TOP1: variants seen among roughly 807,000 people sequenced by gnomAD.
TOP1 encodes the protein DNA topoisomerase I, also known as DNA topoisomerase 1.
A neutral mutation model predicts 111.1 loss-of-function variants in TOP1; 10 were observed. The observed-to-expected ratio is 0.09, with a 90% CI of 0.06 to 0.15. The LOEUF (loss-of-function observed/expected upper bound fraction) is 0.15, where lower values mean the gene tolerates loss of function less well. TOP1 is among the 10% of genes least tolerant of loss of function. The probability of loss-of-function intolerance (pLI) is 1.00; values close to 1 mark genes in which losing one functional copy is unlikely to be tolerated. For missense variants in TOP1, 474 were observed against 926.7 expected, an observed-to-expected ratio of 0.51 and a Z score of 6.34; for synonymous variants, 271 against 302.9, an observed-to-expected ratio of 0.89 and a Z score of 1.10.
At chr20:41,057,272 C>T (rs1165900022) in intron 2 of TOP1, among the ~76,000 whole-genome samples, 1 of 150,418 alleles carries the variant, frequency 6.6e-6, no homozygotes, top group Non-Finnish European at 1.5e-5. Flanking sequence ...GTCTCAGCTA[C>T]TCAGGAGGCT....
chr20:41,122,441 A>G lies in TOP1; in HGVS notation c.2195+286A>G, dbSNP rs889621253. On this transcript the variant is annotated intron_variant, in intron 20 of 20. Transcript: ENST00000361337. The surrounding 1 kb of genome is among the most constrained non-coding windows in gnomAD (Gnocchi z 5.4). ...CCTATTCCTAATGGAACTTTAGGAC[A>G]GGAATGGAAACTCTTAGCTTCTGGA... Among the ~76,000 whole-genome samples the G allele has an allele frequency of 2.6e-5, 4 of 151,530 alleles. No individual in the cohort carries two copies. Among genetic ancestry groups the G allele is most frequent in the African/African-American group, 7.2e-5 (3 of 41,580 alleles).
intron 3 of TOP1, among the ~76,000 whole-genome samples, chr20:41,062,106 A>AT (rs2033552578): frequency 2.0e-5 from 3 of 152,118 alleles, no homozygotes; most frequent in African/African-American, 4.8e-5. Context: ...TTTTGCTCCC[A>AT]TTTTTTTGGT....
chr20:41,067,290 T>G lies in TOP1; in HGVS notation c.155+5800T>G, dbSNP rs530025935. ...CGCCTGCCACCACGCCGAGCTAATT[T>G]TTGTATTTTTGGTAGAGACGAGGTT... On this transcript the variant is annotated intron_variant, in intron 3 of 20. Coordinates refer to ENST00000361337, the MANE Select transcript of TOP1 (RefSeq NM_003286.4). This position sits in a 1 kb window ranked among gnomAD's most constrained non-coding sequence, Gnocchi z 4.0. 1.7e-3 allele frequency among the ~76,000 whole-genome samples: 253 copies of G among 151,994 alleles called. No homozygotes were observed. Among genetic ancestry groups the G allele is most frequent in the African/African-American group, 5.9e-3 (246 of 41,452 alleles).
intron 2 of TOP1, among the ~76,000 whole-genome samples, chr20:41,053,022 A>G (rs997684182): frequency 2.0e-4 from 31 of 152,166 alleles, no homozygotes; most frequent in Admixed American, 2.6e-4. Context: ...TGTTTTGGAC[A>G]CATGACTTTA....
chr20:41,036,759 G>A (rs557545736), intron 2 of TOP1, among the ~76,000 whole-genome samples: 10 of 151,534 alleles, frequency 6.6e-5, no homozygotes, highest in Admixed American at 2.6e-4. Flanking sequence ...AGCGGTCACT[G>A]TAAAGTAAAA....
In TOP1 at chr20:41,097,208, T is replaced by G; in HGVS notation, c.731-12T>G. The G allele has an allele frequency of 6.2e-7, 1 of 1,610,462 alleles. No individual in the cohort carries two copies. Among genetic ancestry groups the G allele is most frequent in the Non-Finnish European group, 8.5e-7 (1 of 1,179,166 alleles). Reference sequence around the variant, plus strand: ...ACTATACCTCACTTTTTGGAACCACTTTTTTCTCTAGGTAAAGTCATGAAG... The same window carrying G: ...ACTATACCTCACTTTTTGGAACCACGTTTTTCTCTAGGTAAAGTCATGAAG... On this transcript the variant is annotated splice_polypyrimidine_tract_variant and intron_variant, in intron 9 of 20. Coordinates refer to ENST00000361337, the MANE Select transcript of TOP1 (RefSeq NM_003286.4). This position sits in a 1 kb window ranked among gnomAD's most constrained non-coding sequence, Gnocchi z 4.2.
intron 5 of TOP1, 110 bp downstream of exon 5, chr20:41,077,747 T>C: frequency 1.0e-6 from 1 of 987,122 alleles, no homozygotes; most frequent in Non-Finnish European, 1.6e-6. Flanking sequence ...CCTGGCCATC[T>C]TGATGGTTCC....
In TOP1 at chr20:41,035,732, T is replaced by C. The variant is rs60653161; in HGVS notation, c.58+6277T>C. 7.1e-3 allele frequency among the ~76,000 whole-genome samples: 1,082 copies of C among 152,312 alleles called. 13 individuals are homozygous for C. Among genetic ancestry groups the C allele is most frequent in the East Asian group, 0.026 (136 of 5,192 alleles). On this transcript the variant is annotated intron_variant, in intron 2 of 20. Transcript: ENST00000361337. ...AAAAAAGTTCTTTGTTGAAGGTTAG[T>C]CCTCCACCAGAATAATACACCCTTT... is the stretch of plus-strand genomic sequence containing the variant.
In TOP1 at chr20:41,098,283, G is replaced by A. The variant is rs2145950004; in HGVS notation, c.921G>A (p.Gln307=). Residue 307 remains glutamine, a synonymous_variant, in exon 11 of 21, where the codon CAG becomes CAA. Transcript: ENST00000361337. This position sits in a 1 kb window ranked among gnomAD's most constrained non-coding sequence, Gnocchi z 5.7. ...AATGTGATTTTACCCAGATGAGCCAGTATTTCAAAGCCCAGACGGAAGCTC... is the reference window on the plus strand; with the variant it reads ...AATGTGATTTTACCCAGATGAGCCAATATTTCAAAGCCCAGACGGAAGCTC... ...LSKCDFTQMS[Q]YFKAQTEARK... The A allele has an allele frequency of 1.9e-6, 3 of 1,613,988 alleles. No homozygotes were observed. The highest frequency in any genetic ancestry group is 2.5e-6 in the Non-Finnish European group (3 of 1,179,888).
rs1038979557 is a variant in TOP1 at position 41,080,849 on chromosome 20, ATTTAT to A, written c.432-302_432-298del. On this transcript the variant is annotated intron_variant, in intron 6 of 20. Coordinates refer to ENST00000361337, the MANE Select transcript of TOP1 (RefSeq NM_003286.4). The surrounding 1 kb of genome is among the most constrained non-coding windows in gnomAD (Gnocchi z 5.0). ...TCCCAAACTTTCATCTTTTATTTTT[ATTTAT>A]TTTATTTTATTTTTTTTCCCAGACT... Among the ~76,000 whole-genome samples, 2 of 151,712 alleles carry A rather than the reference ATTTAT, an allele frequency of 1.3e-5. No individual in the cohort carries two copies. The highest frequency in any genetic ancestry group is 1.9e-4 in the East Asian group (1 of 5,184).
Position 41,058,037 on chromosome 20 carries a change from A to G in TOP1, c.59-3357A>G, listed in dbSNP as rs888140236. Among the ~76,000 whole-genome samples the G allele has an allele frequency of 1.3e-5, 2 of 152,204 alleles. No homozygotes were observed. Among genetic ancestry groups the G allele is most frequent in the African/African-American group, 4.8e-5 (2 of 41,444 alleles). Reference sequence around the variant, plus strand: ...TTTAGAAGAAGCTGAAGGGTTCTGTATGCTGCATGGAAGATTGAGTTCAAA... The same window carrying G: ...TTTAGAAGAAGCTGAAGGGTTCTGTGTGCTGCATGGAAGATTGAGTTCAAA... On this transcript the variant is annotated intron_variant, in intron 2 of 20. Coordinates refer to ENST00000361337, the MANE Select transcript of TOP1 (RefSeq NM_003286.4). The surrounding 1 kb of genome is among the most constrained non-coding windows in gnomAD (Gnocchi z 4.2).
intron 17 of TOP1, among the ~76,000 whole-genome samples, chr20:41,117,833 A>G (rs1208770635): frequency 6.6e-6 from 1 of 152,142 alleles, no homozygotes; most frequent in Non-Finnish European, 1.5e-5. Flanking sequence ...TATGATGAGC[A>G]TATGGGTGGG....
At chr20:41,044,088 C>T (rs1198007459) in intron 2 of TOP1, among the ~76,000 whole-genome samples, 1 of 151,908 alleles carries the variant, frequency 6.6e-6, no homozygotes, top group African/African-American at 2.4e-5. Flanking sequence ...ACCAGCCTGA[C>T]CAACATGGAG....
Position 41,039,786 on chromosome 20 carries a change from T to C in TOP1, c.58+10331T>C, listed in dbSNP as rs1346048132. On this transcript the variant is annotated intron_variant, in intron 2 of 20. Transcript: ENST00000361337. ...AGCCGGGCGTGGTGGCGGGCGCCTG[T>C]AGTCCAGCTACTTGGGAGGCTGAGG... Among the ~76,000 whole-genome samples, 5 of 152,020 alleles carry C rather than the reference T, an allele frequency of 3.3e-5. No homozygotes were observed. The East Asian group carries it at 9.6e-4, about 29-fold the overall frequency.
rs185199528 is a variant in TOP1, at chr20:41,111,756, C to T, written c.1309-1026C>T. Among the ~76,000 whole-genome samples the T allele has an allele frequency of 1.1e-4, 16 of 152,154 alleles. No homozygotes were observed. The East Asian group carries it at 2.5e-3, about 24-fold the overall frequency. On this transcript the variant is annotated intron_variant, in intron 13 of 20. Transcript: ENST00000361337. ...AAATCACTACCACTTTCCTTTGTTG[C>T]GGGTGGGGAAATTAAGAGCAGAGAT...
rs370424729 is a variant in TOP1, at chr20:41,117,651, C to T, written c.1823-518C>T. Among the ~76,000 whole-genome samples the T allele has an allele frequency of 9.9e-5, 15 of 152,136 alleles. No individual in the cohort carries two copies. The East Asian group carries it at 2.9e-3, about 29-fold the overall frequency. ...CCGCCCGCCTCGGCCTCCCAAAGTG[C>T]TGGGATTACAGGTGTGAGCCACCGC... On this transcript the variant is annotated intron_variant, in intron 17 of 20. Transcript: ENST00000361337.
In TOP1 at chr20:41,078,483, G is replaced by A. The variant is rs181594601; in HGVS notation, c.335+846G>A. 6.6e-6 allele frequency among the ~76,000 whole-genome samples: 1 copy of A among 152,292 alleles called. No individual in the cohort carries two copies. The highest frequency in any genetic ancestry group is 1.5e-5 in the Non-Finnish European group (1 of 68,034). ...ATTTGTTAAAATTTTTGACAATTGT[G>A]CCTGGTACTCTGGGGTCCTTTAGAC... On this transcript the variant is annotated intron_variant, in intron 5 of 20. Transcript: ENST00000361337. The surrounding 1 kb of genome is among the most constrained non-coding windows in gnomAD (Gnocchi z 5.3).
Position 41,101,442 on chromosome 20 carries a change from T to C in TOP1, c.1308+89T>C. On this transcript the variant is annotated intron_variant, in intron 13 of 20. Transcript: ENST00000361337. The surrounding 1 kb of genome is among the most constrained non-coding windows in gnomAD (Gnocchi z 4.1). ...AACGTTCTCGTCCTCTAGAATCACT[T>C]TGACAAATTAAAAATCCTCCCCATT... The C allele has an allele frequency of 1.3e-5, 18 of 1,359,426 alleles. No homozygotes were observed. Among genetic ancestry groups the C allele is most frequent in the Non-Finnish European group, 1.8e-5 (18 of 1,010,516 alleles). The allele number at this position is 1,359,426 out of a possible 1,614,324, so 84.2% of individuals were successfully genotyped here.
In TOP1 at chr20:41,034,897, G is replaced by A. The variant is rs1397362867; in HGVS notation, c.58+5442G>A. Among the ~76,000 whole-genome samples, 4 of 151,456 alleles carry A rather than the reference G, an allele frequency of 2.6e-5. No homozygotes were observed. The highest frequency in any genetic ancestry group is 5.9e-5 in the Non-Finnish European group (4 of 67,884). On this transcript the variant is annotated intron_variant, in intron 2 of 20. Coordinates refer to ENST00000361337, the MANE Select transcript of TOP1 (RefSeq NM_003286.4). The surrounding 1 kb of genome is among the most constrained non-coding windows in gnomAD (Gnocchi z 4.0). ...TCTTTCCTTTACTTTTTTTTTGGGCGGGGTGGGGGGCAGACAGGGTTTCTG... is the reference window on the plus strand; with the variant it reads ...TCTTTCCTTTACTTTTTTTTTGGGCAGGGTGGGGGGCAGACAGGGTTTCTG...
Sources: allele counts gnomAD v4.1 joint callset (sites outside exome capture counted in the v4.1 genomes callset), GRCh38; gene constraint gnomAD v4.1.1; non-coding constraint Gnocchi (gnomAD v3.1); transcripts MANE v1.5; gene names NCBI Gene and HGNC (gene_info 2026-07-23, HGNC 2026-07-21).